MEI1: variants seen among roughly 807,000 people sequenced by gnomAD.
The protein encoded by MEI1 is meiosis inhibitor protein 1.
In MEI1, 103 loss-of-function variants were observed where a neutral mutation model predicts 146.2. The ratio of observed to expected loss-of-function variants is 0.70; its 90% CI spans 0.60 to 0.83. MEI1 has a LOEUF of 0.83. Among genes scored for constraint, MEI1 ranks in the 40% least tolerant of loss-of-function variants. MEI1 has a pLI of 0.00. For missense variants in MEI1, 1,529 were observed against 1,533.0 expected (o/e 1.00, Z 0.04); for synonymous variants, 652 against 628.2 (o/e 1.04, Z -0.57).
At chr22:41,766,093 G>A (rs1204538886) in intron 19 of MEI1, among the ~76,000 whole-genome samples, 2 of 151,512 alleles carry the variant, frequency 1.3e-5, no homozygotes. Context: ...GGGTTTCACC[G>A]TATTAGCCAG....
chr22:41,774,309 C>A (rs1346262615), intron 20 of MEI1: 2 of 152,204 alleles, frequency 1.3e-5, no homozygotes, highest in African/African-American at 4.8e-5. Context: ...GCTGAGTAGC[C>A]CCTTCCTTTT....
At chr22:41,707,472 G>C (rs894742627) in intron 3 of MEI1, among the ~76,000 whole-genome samples, 1 of 152,076 alleles carries the variant, frequency 6.6e-6, no homozygotes, top group Non-Finnish European at 1.5e-5. Flanking sequence ...GGCTGGATTC[G>C]GCTGCTGTCA....
At chr22:41,727,055 AC>A (rs1171154400) in intron 7 of MEI1, among the ~76,000 whole-genome samples, 1 of 151,914 alleles carries the variant, frequency 6.6e-6, no homozygotes, top group Non-Finnish European at 1.5e-5. Context: ...TCCTTTATAT[AC>A]TATCAGAAAA....
chr22:41,706,439 T>C (rs2069101456), intron 3 of MEI1, among the ~76,000 whole-genome samples: 1 of 152,220 alleles, frequency 6.6e-6, no homozygotes, highest in Admixed American at 6.5e-5. Context: ...AGAGATTGAC[T>C]GACAGGCAAA....
intron 21 of MEI1, among the ~76,000 whole-genome samples, chr22:41,777,277 T>G (rs1188050299): frequency 6.6e-6 from 1 of 151,838 alleles, no homozygotes; most frequent in Non-Finnish European, 1.5e-5. Context: ...TGCCTCAGCC[T>G]CCATAGTAGC....
chr22:41,785,553 C>T (rs965223069), intron 26 of MEI1, among the ~76,000 whole-genome samples: 2 of 151,848 alleles, frequency 1.3e-5, no homozygotes, highest in African/African-American at 4.8e-5. Context: ...TGAGCCACTG[C>T]ACCTGGCCTA....
rs143934294 is a variant in MEI1, at chr22:41,701,263, C to G, written c.174+1551C>G. Reference sequence around the variant, plus strand: ...CAAACAGCTGGATTTTTATCTATTTCTGCATTCAGTCTGTTGTGCTATCAT... The same window carrying G: ...CAAACAGCTGGATTTTTATCTATTTGTGCATTCAGTCTGTTGTGCTATCAT... On this transcript the variant is annotated intron_variant, in intron 1 of 30. Transcript: ENST00000401548. Among the ~76,000 whole-genome samples the G allele has an allele frequency of 2.5e-3, 378 of 151,956 alleles. 4 individuals carry two copies. Among genetic ancestry groups the G allele is most frequent in the African/African-American group, 8.6e-3 (358 of 41,434 alleles).
At chr22:41,713,496 G>C (rs1397247398) in intron 3 of MEI1, among the ~76,000 whole-genome samples, 1 of 138,828 alleles carries the variant, frequency 7.2e-6, no homozygotes, top group Non-Finnish European at 1.6e-5. Flanking sequence ...AAAAAAAAAA[G>C]AAGCCAGAAC....
At chr22:41,763,462 AG>A (rs2074639200) in intron 19 of MEI1, 141 bp downstream of exon 19, 1 of 830,110 alleles carries the variant, frequency 1.2e-6, no homozygotes, top group African/African-American at 1.7e-5. Context: ...TGTGGAGAGG[AG>A]TAGGATGCAG....
At chr22:41,744,144 C>T (rs530871963) in intron 12 of MEI1, among the ~76,000 whole-genome samples, 31 of 152,068 alleles carry the variant, frequency 2.0e-4, no homozygotes, top group African/African-American at 7.5e-4. Context: ...GGATTACAGG[C>T]ATGATCCACT....
At chr22:41,730,885 C>T (rs2071799509) in intron 9 of MEI1, among the ~76,000 whole-genome samples, 1 of 152,140 alleles carries the variant, frequency 6.6e-6, no homozygotes. Flanking sequence ...TTCTTTTAGC[C>T]ACTAAATGAA....
chr22:41,749,976 T>A (rs1288749532), intron 15 of MEI1, among the ~76,000 whole-genome samples: 1 of 152,106 alleles, frequency 6.6e-6, no homozygotes, highest in Non-Finnish European at 1.5e-5. Context: ...GGTGGGTAAT[T>A]GACTGTGTCT....
chr22:41,708,420 C>G (rs62236559), intron 3 of MEI1, among the ~76,000 whole-genome samples: 1 of 149,524 alleles, frequency 6.7e-6, no homozygotes, highest in Non-Finnish European at 1.5e-5. Flanking sequence ...TTTTTTTTTC[C>G]AAGCCAAACT....
At chr22:41,759,440 T>TAACAAGGTAACAAC (rs1482460529) in intron 18 of MEI1, 1 of 152,218 alleles carries the variant, frequency 6.6e-6, no homozygotes, top group Non-Finnish European at 1.5e-5. Context: ...CCATCATGGC[T>TAACAAGGTAACAAC]AACAAGGTAA....
intron 7 of MEI1, among the ~76,000 whole-genome samples, chr22:41,727,834 A>G (rs1456976991): frequency 5.3e-5 from 8 of 152,188 alleles, no homozygotes; most frequent in Non-Finnish European, 8.8e-5. Context: ...GAACTGTGAC[A>G]TGTGAAACCT....
intron 11 of MEI1, among the ~76,000 whole-genome samples, chr22:41,734,164 A>G (rs542210774): frequency 2.1e-5 from 3 of 145,126 alleles, no homozygotes; most frequent in Non-Finnish European, 2.9e-5. Flanking sequence ...TAAATAAAGT[A>G]TGCTGGAGGA....
rs779684036 is a variant in MEI1, at chr22:41,699,759, C to T, written c.174+47C>T. On this transcript the variant is annotated intron_variant, in intron 1 of 30. Coordinates refer to ENST00000401548, the MANE Select transcript of MEI1 (RefSeq NM_152513.4). ...CAGAAGACCTGGGTTTGGCCATTTC[C>T]CTCAGCAAACGCGGCCAGGCCCTTG... 9.3e-6 allele frequency: 14 copies of T among 1,511,142 alleles called. No individual in the cohort carries two copies. The South Asian group carries it at 1.4e-4, about 15-fold the overall frequency. 93.6% of individuals were successfully genotyped at this position (1,511,142 alleles called of 1,614,324 possible).
intron 7 of MEI1, among the ~76,000 whole-genome samples, chr22:41,725,907 G>T (rs1413547126): frequency 2.6e-5 from 4 of 152,178 alleles, no homozygotes; most frequent in Non-Finnish European, 4.4e-5. Flanking sequence ...TGCAAACCCT[G>T]ATGTGATAGC....
intron 24 of MEI1, among the ~76,000 whole-genome samples, chr22:41,783,920 G>A (rs959497754): frequency 2.0e-5 from 3 of 151,988 alleles, no homozygotes; most frequent in African/African-American, 7.2e-5. Context: ...TGGGCTCAAC[G>A]AATCCTCTCA....
Sources: gnomAD v4.1 joint callset for allele counts (sites outside exome capture counted in the v4.1 genomes callset) on GRCh38, gnomAD v4.1.1 for gene constraint, MANE v1.5 for transcripts, NCBI Gene and HGNC (gene_info 2026-07-23, HGNC 2026-07-21) for gene names.